The following GON4L variants were observed in gnomAD, a reference collection of about 807,000 sequenced individuals.
The protein encoded by GON4L is GON-4-like protein.
Under a neutral mutation model 211.8 loss-of-function variants are expected in GON4L, and 87 were observed. That is an observed-to-expected ratio of 0.41 (90% CI 0.35 to 0.49). GON4L has a LOEUF of 0.49. Among genes scored for constraint, GON4L ranks in the 20% least tolerant of loss-of-function variants. GON4L has a pLI of 0.15. For missense variants in GON4L, 2,155 were observed against 2,659.5 expected (o/e 0.81, Z 4.17); for synonymous variants, 875 against 962.6 (o/e 0.91, Z 1.68).
At chr1:155,768,438 G>A (rs1338978461) in intron 19 of GON4L, among the ~76,000 whole-genome samples, 10 of 150,292 alleles carry the variant, frequency 6.7e-5, no homozygotes, top group Non-Finnish European at 1.0e-4. Context: ...GTGAAACCCC[G>A]TCTCTACTAA....
chr1:155,814,230 G>A (rs1668033885), intron 9 of GON4L, 100 bp downstream of exon 9: 1 of 1,163,730 alleles, frequency 8.6e-7, no homozygotes, highest in South Asian at 1.2e-5. Context: ...GAAAAAGGGT[G>A]ACAGCCCAGA....
upstream of GON4L, among the ~76,000 whole-genome samples, chr1:155,858,290 G>C (rs956062856): frequency 1.3e-5 from 2 of 152,110 alleles, no homozygotes; most frequent in South Asian, 2.1e-4. Context: ...ATGTCAAAAG[G>C]TGGAAAAATA....
At chr1:155,823,199 G>C (rs141273334) in intron 3 of GON4L, among the ~76,000 whole-genome samples, 1 of 152,188 alleles carries the variant, frequency 6.6e-6, no homozygotes, top group Admixed American at 6.5e-5. Context: ...AAAGCTCTGG[G>C]ATTACAGGTG....
At chr1:155,858,502 G>T (rs942032325), upstream of GON4L, among the ~76,000 whole-genome samples, 1 of 152,128 alleles carries the variant, frequency 6.6e-6, no homozygotes, top group Non-Finnish European at 1.5e-5. Context: ...GAAGCTCGGA[G>T]TTTCATGTGT....
rs575566462 is a variant in GON4L, at chr1:155,775,254, C to T, written c.2179-81G>A. 7.0e-6 allele frequency: 11 copies of T among 1,566,830 alleles called. No individual in the cohort carries two copies. In the South Asian group the frequency reaches 1.0e-4, roughly 14 times the overall value. Reference sequence around the variant, plus strand: ...TAGCCTTCAGAATCTAAATGAGAAGCTGACCTTCCTACTACAGGATAAAAA... The same window carrying T: ...TAGCCTTCAGAATCTAAATGAGAAGTTGACCTTCCTACTACAGGATAAAAA... On this transcript the variant is annotated intron_variant, in intron 16 of 31. Transcript: ENST00000368331.
chr1:155,748,269 C>T, downstream of GON4L: 1 of 1,226,476 alleles, frequency 8.2e-7, no homozygotes, highest in Non-Finnish European at 1.1e-6. Context: ...TCACACTGTC[C>T]TATGCTTGTC....
At chr1:155,777,376 C>T (rs905532473) in intron 15 of GON4L, among the ~76,000 whole-genome samples, 3 of 152,068 alleles carry the variant, frequency 2.0e-5, no homozygotes, top group South Asian at 2.1e-4. Flanking sequence ...GTCAGGAGTT[C>T]GAGACCAGCC....
At chr1:155,839,946 GTTC>G (rs1482735406) in intron 2 of GON4L, among the ~76,000 whole-genome samples, 2 of 152,148 alleles carry the variant, frequency 1.3e-5, no homozygotes, top group African/African-American at 4.8e-5. Context: ...AAGTTCAATT[GTTC>G]TATCTCACTG....
At chr1:155,815,331 C>G (rs557827155) in intron 8 of GON4L, among the ~76,000 whole-genome samples, 2 of 152,102 alleles carry the variant, frequency 1.3e-5, no homozygotes, top group Admixed American at 1.3e-4. Flanking sequence ...AAGCTAGGAA[C>G]AAAACATATA....
At chr1:155,769,468 G>C (rs1160437089) in intron 19 of GON4L, among the ~76,000 whole-genome samples, 1 of 152,126 alleles carries the variant, frequency 6.6e-6, no homozygotes, top group Admixed American at 6.6e-5. Context: ...AGCAAGCCCA[G>C]AGAGCAACAC....
chr1:155,773,571 C>A (rs1389876684), intron 17 of GON4L, among the ~76,000 whole-genome samples: 1 of 152,188 alleles, frequency 6.6e-6, no homozygotes, highest in Non-Finnish European at 1.5e-5. Context: ...AGACCTTCAA[C>A]AATGCTTTCT....
At position 155,757,275 on chromosome 1, in the gene GON4L, C is replaced by A; in HGVS notation, c.5302G>T (p.Asp1768Tyr). The A allele has an allele frequency of 1.2e-6, 2 of 1,613,936 alleles. No individual in the cohort carries two copies. Among genetic ancestry groups the A allele is most frequent in the South Asian group, 1.1e-5 (1 of 91,084 alleles). The change falls in exon 26 of 32, where the codon GAT (aspartate) becomes TAT (tyrosine). Residue 1768 changes from aspartate to tyrosine, a missense_variant. Asp to Tyr is a radical substitution (Grantham distance 160, BLOSUM62 -3). Coordinates refer to ENST00000368331, the MANE Select transcript of GON4L (RefSeq NM_001282860.2). Reference sequence around the variant, plus strand: ...TGGTCAAAGAAGATAGAAAACTCATCCTGCAGGTGGTCGTGGCCCTTGAGG... The same window carrying A: ...TGGTCAAAGAAGATAGAAAACTCATACTGCAGGTGGTCGTGGCCCTTGAGG... Reference protein sequence around the residue: ...QLLKGHDHLQDEFSIFFDHLR... With the variant: ...QLLKGHDHLQYEFSIFFDHLR...
intron 6 of GON4L, among the ~76,000 whole-genome samples, chr1:155,817,943 G>T (rs200983529): frequency 1.7e-4 from 23 of 133,128 alleles, no homozygotes; most frequent in Admixed American, 1.7e-3. Context: ...AAAAAAAAAA[G>T]AAAGAATTAA....
In GON4L at chr1:155,814,366, C is replaced by G. The variant is rs746148582; in HGVS notation, c.1245G>C (p.Met415Ile). The change falls in exon 9 of 32, where the codon ATG becomes ATC. Residue 415 changes from methionine to isoleucine, a missense_variant. Met to Ile is a conservative substitution (Grantham distance 10). Coordinates refer to ENST00000368331, the MANE Select transcript of GON4L (RefSeq NM_001282860.2). Reference sequence around the variant, plus strand: ...TGCCACTCTCCTCATCTGTTTCAGTCATCTCAGAAGACTGCCTCAATCTGG... The same window carrying G: ...TGCCACTCTCCTCATCTGTTTCAGTGATCTCAGAAGACTGCCTCAATCTGG... Reference protein sequence around the residue: ...KKSRLRQSSEMTETDEESGIL... With the variant: ...KKSRLRQSSEITETDEESGIL... The G allele has an allele frequency of 6.2e-7, 1 of 1,613,484 alleles. No individual in the cohort carries two copies. The highest frequency in any genetic ancestry group is 1.3e-5 in the African/African-American group (1 of 74,922).
rs576346476 is a variant in GON4L at position 155,804,364 on chromosome 1, T to C, written c.1645+585A>G. Among the ~76,000 whole-genome samples, 3 of 151,952 alleles carry C rather than the reference T, an allele frequency of 2.0e-5. No homozygotes were observed. In the East Asian group the frequency reaches 5.8e-4, roughly 29 times the overall value. On this transcript the variant is annotated intron_variant, in intron 11 of 31. Transcript: ENST00000368331. ...GTGATCCACCCTGGGCAACACCCTG[T>C]TTTGGGACAGTGTCTCAAAAACAAA...
intron 12 of GON4L, among the ~76,000 whole-genome samples, chr1:155,787,333 A>G (rs1476093967): frequency 6.6e-6 from 1 of 152,218 alleles, no homozygotes; most frequent in Non-Finnish European, 1.5e-5. Flanking sequence ...TTTGGTTGAT[A>G]TCAAGTTCAA....
At chr1:155,842,261 A>C (rs1302447291) in intron 2 of GON4L, among the ~76,000 whole-genome samples, 1 of 152,052 alleles carries the variant, frequency 6.6e-6, no homozygotes, top group African/African-American at 2.4e-5. Flanking sequence ...GTGGTGGCTC[A>C]CGCCTGTAAT....
intron 11 of GON4L, among the ~76,000 whole-genome samples, chr1:155,802,315 G>T (rs868711260): frequency 2.0e-5 from 3 of 146,438 alleles, no homozygotes; most frequent in African/African-American, 4.9e-5. Context: ...TTTTCCTTGG[G>T]GGGGGGGAAG....
At chr1:155,818,896 G>C (rs1050147276) in intron 6 of GON4L, among the ~76,000 whole-genome samples, 3 of 152,022 alleles carry the variant, frequency 2.0e-5, no homozygotes, top group Non-Finnish European at 2.9e-5. Context: ...TACTCAGCAG[G>C]CTGAGGCATG....
Sources: allele counts gnomAD v4.1 joint callset (sites outside exome capture counted in the v4.1 genomes callset), GRCh38; gene constraint gnomAD v4.1.1; transcripts MANE v1.5; gene names NCBI Gene and HGNC (gene_info 2026-07-23, HGNC 2026-07-21).